The following DNM3 variants were observed in gnomAD, a reference collection of about 807,000 sequenced individuals.
DNM3 encodes the protein dynamin-3.
DNM3 carries 47 observed loss-of-function variants against 101.6 expected under a neutral mutation model. That is an observed-to-expected ratio of 0.46 (90% CI 0.37 to 0.59). The LOEUF is 0.59. Ranked by LOEUF, DNM3 falls within the 20% of genes least tolerant of loss-of-function variation. DNM3 has a pLI of 0.00. For synonymous variants in DNM3, 385 were observed against 387.9 expected, an observed-to-expected ratio of 0.99 and a Z score of 0.09; for missense variants, 849 against 1,085.7, an observed-to-expected ratio of 0.78 and a Z score of 3.06.
At chr1:172,368,367 A>C (rs941050388) in intron 17 of DNM3, among the ~76,000 whole-genome samples, 16 of 151,962 alleles carry the variant, frequency 1.1e-4, no homozygotes, top group Non-Finnish European at 2.2e-4. Context: ...AACATGCTCC[A>C]AAACAACCAA....
At chr1:172,142,931 A>G (rs2057666400) in intron 14 of DNM3, among the ~76,000 whole-genome samples, 1 of 151,988 alleles carries the variant, frequency 6.6e-6, no homozygotes, top group Admixed American at 6.6e-5. Flanking sequence ...TTGTTCTACT[A>G]AAAATAATTA....
At chr1:172,399,026 G>T (rs932435380) in intron 20 of DNM3, among the ~76,000 whole-genome samples, 5 of 152,126 alleles carry the variant, frequency 3.3e-5, no homozygotes, top group African/African-American at 1.2e-4. Flanking sequence ...AAAATGGAAA[G>T]GCTTACCCTA....
At chr1:172,049,715 A>G (rs1002251438) in intron 10 of DNM3, among the ~76,000 whole-genome samples, 1 of 152,084 alleles carries the variant, frequency 6.6e-6, no homozygotes, top group Admixed American at 6.6e-5. Context: ...TGTTTTTGTT[A>G]GTTTTGTTAT....
chr1:172,030,406 C>G (rs946888200), intron 4 of DNM3, among the ~76,000 whole-genome samples: 1 of 151,932 alleles, frequency 6.6e-6, no homozygotes, highest in East Asian at 1.9e-4. Flanking sequence ...AAAAATTAAC[C>G]CAAGATGGAT....
At chr1:172,224,680 T>C (rs12410416) in intron 14 of DNM3, among the ~76,000 whole-genome samples, 26,048 of 152,210 alleles carry the variant, frequency 0.17, 2,550 homozygotes, top group East Asian at 0.28. Context: ...AAAACAAGAA[T>C]TTAAAGCTAG....
At position 172,015,094 on chromosome 1, in the gene DNM3, A is replaced by G. The variant is rs535570871; in HGVS notation, c.590-17308A>G. 3.9e-5 allele frequency among the ~76,000 whole-genome samples: 6 copies of G among 152,180 alleles called. No individual in the cohort carries two copies. In the South Asian group the frequency reaches 1.2e-3, roughly 32 times the overall value. ...TCAAGGATCTGTTGACTGTATTTATATGGGTCTGTTTCTGGGCTCTATTTT... is the reference window on the plus strand; with the variant it reads ...TCAAGGATCTGTTGACTGTATTTATGTGGGTCTGTTTCTGGGCTCTATTTT... On this transcript the variant is annotated intron_variant, in intron 4 of 20. Transcript: ENST00000627582.
chr1:172,146,439 T>G (rs2057903327), intron 14 of DNM3, among the ~76,000 whole-genome samples: 1 of 152,130 alleles, frequency 6.6e-6, no homozygotes, highest in African/African-American at 2.4e-5. Context: ...ATAGAAATAT[T>G]TATATCATCA....
chr1:172,247,009 A>G (rs1440722311), intron 14 of DNM3, among the ~76,000 whole-genome samples: 2 of 152,160 alleles, frequency 1.3e-5, no homozygotes, highest in Non-Finnish European at 2.9e-5. Flanking sequence ...ACTCCATGGT[A>G]TCTCATGAGT....
chr1:172,328,745 A>G (rs1181830459), intron 17 of DNM3, among the ~76,000 whole-genome samples: 2 of 152,174 alleles, frequency 1.3e-5, no homozygotes, highest in Non-Finnish European at 2.9e-5. Flanking sequence ...GTGTCATGCA[A>G]TTAACCTATA....
chr1:171,930,629 C>T (rs1267215806), intron 2 of DNM3, among the ~76,000 whole-genome samples: 2 of 152,178 alleles, frequency 1.3e-5, no homozygotes, highest in Non-Finnish European at 2.9e-5. Context: ...CCCTCATTTA[C>T]TCACCGCTTC....
chr1:171,871,215 A>T (rs2035249893), intron 1 of DNM3, among the ~76,000 whole-genome samples: 1 of 152,114 alleles, frequency 6.6e-6, no homozygotes. Context: ...TCTATACTCA[A>T]CGCCCAGAGC....
intron 15 of DNM3, among the ~76,000 whole-genome samples, chr1:172,296,943 G>A (rs929131156): frequency 1.3e-5 from 2 of 152,152 alleles, no homozygotes; most frequent in Non-Finnish European, 2.9e-5. Flanking sequence ...AGGAGTTCGA[G>A]ACTAGCCTGG....
chr1:172,166,876 C>T (rs1398912445), intron 14 of DNM3, among the ~76,000 whole-genome samples: 1 of 151,764 alleles, frequency 6.6e-6, no homozygotes, highest in Non-Finnish European at 1.5e-5. Flanking sequence ...TTTATGTCAT[C>T]CAGAAGTTCA....
At position 172,195,473 on chromosome 1, in the gene DNM3, G is replaced by A. The variant is rs1368050561; in HGVS notation, c.1660-58100G>A. 2.6e-5 allele frequency among the ~76,000 whole-genome samples: 4 copies of A among 151,802 alleles called. No homozygotes were observed. The Admixed American group carries it at 2.6e-4, about 10-fold the overall frequency. ...TCCAATATGATATTGAATGGGAGTT[G>A]TGAGAGGGGACATCCTTGCCCTCTT... is the stretch of plus-strand genomic sequence containing the variant. On this transcript the variant is annotated intron_variant, in intron 14 of 20. Transcript: ENST00000627582.
At position 172,407,780 on chromosome 1, in the gene DNM3, C is replaced by T. The variant is rs1427639182; in HGVS notation, c.2531C>T (p.Pro844Leu). 6.2e-7 allele frequency: 1 copy of T among 1,613,028 alleles called. No individual in the cohort carries two copies. The stretch of plus-strand genomic sequence containing the variant: ...TCTTTTTCTCTTTCTAGCCGGAGAC[C>T]ACCCCCATCACCAACTCGTCCCACT... ...RAPPSVPSRR[P>L]PPSPTRPTII... Residue 844 changes from proline (P) to leucine (L), a missense_variant, in exon 21 of 21, where the codon CCA becomes CTA. Physicochemically the swap from Pro to Leu is moderately conservative, Grantham distance 98. Coordinates refer to ENST00000627582, the MANE Select transcript of DNM3 (RefSeq NM_015569.5).
intron 13 of DNM3, among the ~76,000 whole-genome samples, chr1:172,122,333 C>T (rs754966052): frequency 2.4e-4 from 37 of 152,172 alleles, no homozygotes; most frequent in Middle Eastern, 6.8e-3. Context: ...AAATCCTTTA[C>T]ATATATTAAC....
chr1:172,205,716 T>C (rs952135540), intron 14 of DNM3, among the ~76,000 whole-genome samples: 3 of 152,128 alleles, frequency 2.0e-5, no homozygotes, highest in African/African-American at 7.2e-5. Flanking sequence ...TTGAATGATA[T>C]GAAGAAAATT....
intron 20 of DNM3, among the ~76,000 whole-genome samples, chr1:172,389,531 TAC>T (rs2069401037): frequency 6.6e-6 from 1 of 152,206 alleles, no homozygotes; most frequent in Non-Finnish European, 1.5e-5. Context: ...TTCATATACT[TAC>T]AGTCAAAATA....
intron 14 of DNM3, among the ~76,000 whole-genome samples, chr1:172,171,328 T>A (rs561772541): frequency 1.3e-5 from 2 of 151,822 alleles, no homozygotes; most frequent in Non-Finnish European, 2.9e-5. Context: ...GTTATTATGA[T>A]CATGTTATTG....
Sources: allele counts gnomAD v4.1 joint callset (sites outside exome capture counted in the v4.1 genomes callset), GRCh38; gene constraint gnomAD v4.1.1; transcripts MANE v1.5; gene names NCBI Gene and HGNC (gene_info 2026-07-23, HGNC 2026-07-21).